PYGB: variants seen among roughly 807,000 people sequenced by gnomAD.
The protein encoded by PYGB is glycogen phosphorylase B.
PYGB carries 82 observed loss-of-function variants against 94.3 expected under a neutral mutation model. The ratio of observed to expected loss-of-function variants is 0.87; its 90% CI spans 0.73 to 1.04. The LOEUF (loss-of-function observed/expected upper bound fraction) is 1.04. Ranked by LOEUF, PYGB falls within the 50% of genes least tolerant of loss-of-function variation. The probability of loss-of-function intolerance (pLI) is 0.00; values close to 1 mark genes in which losing one functional copy is unlikely to be tolerated. For missense variants in PYGB, 1,132 were observed against 1,158.2 expected (o/e 0.98, Z 0.33); for synonymous variants, 488 against 479.1 (o/e 1.02, Z -0.24).
Position 25,278,392 on chromosome 20 carries a change from G to A in PYGB, c.929G>A (p.Arg310His), listed in dbSNP as rs761148570. ...VVAATLQDII[R>H]RFKSSKFGCR... ...GCCGCCACGCTCCAGGACATCATCC[G>A]CCGCTTCAAGTCGTCCAAGTTCGGC... Residue 310 changes from arginine (R) to histidine (H), a missense_variant, in exon 8 of 20, where the codon CGC (arginine) becomes CAC (histidine). Physicochemically the swap from Arg to His is conservative, Grantham distance 29. Transcript: ENST00000216962. The A allele has an allele frequency of 1.2e-5, 20 of 1,614,098 alleles. No homozygotes were observed. The East Asian group carries it at 1.8e-4, about 14-fold the overall frequency.
chr20:25,285,415 T>C (rs1010635797), intron 14 of PYGB: 1 of 151,820 alleles, frequency 6.6e-6, no homozygotes, highest in Non-Finnish European at 1.5e-5. Context: ...CCACAGTCAG[T>C]TGCTGCATCG....
chr20:25,297,151 T>C lies in PYGB; in HGVS notation c.*629T>C, dbSNP rs756100189. On this transcript the variant is annotated 3_prime_UTR_variant, in exon 20 of 20. Transcript: ENST00000216962. ...GGGCTTTCCCTTTGTAGCCATCCAATGGGCATTGTGTGGGTGCTTGGAACC... is the reference window on the plus strand; with the variant it reads ...GGGCTTTCCCTTTGTAGCCATCCAACGGGCATTGTGTGGGTGCTTGGAACC... The C allele has an allele frequency of 2.0e-5, 3 of 152,922 alleles. No individual in the cohort carries two copies. The highest frequency in any genetic ancestry group is 4.4e-5 in the Non-Finnish European group (3 of 68,604). 9.5% of individuals were successfully genotyped at this position (152,922 alleles called of 1,614,324 possible).
At chr20:25,265,249 A>G (rs1229974516) in intron 2 of PYGB, among the ~76,000 whole-genome samples, 1 of 152,130 alleles carries the variant, frequency 6.6e-6, no homozygotes, top group African/African-American at 2.4e-5. Flanking sequence ...ATACCTAGAA[A>G]TGGAATTGCT....
intron 1 of PYGB, among the ~76,000 whole-genome samples, chr20:25,251,905 A>G (rs2092889119): frequency 6.6e-6 from 1 of 151,906 alleles, no homozygotes; most frequent in African/African-American, 2.4e-5. Context: ...AAATACGATT[A>G]ATCTTTTGGT....
chr20:25,280,526 A>G, intron 10 of PYGB, 114 bp downstream of exon 10: 1 of 1,396,116 alleles, frequency 7.2e-7, no homozygotes, highest in South Asian at 1.3e-5. Flanking sequence ...CCCTCTGTTC[A>G]GCAGAGGATG....
intron 18 of PYGB, chr20:25,295,089 T>C: frequency 6.5e-7 from 1 of 1,536,898 alleles, no homozygotes; most frequent in Non-Finnish European, 9.0e-7. Context: ...AGTGTGCTTC[T>C]GACTCGATAG....
chr20:25,278,042 G>C (rs1156598580), intron 7 of PYGB, among the ~76,000 whole-genome samples: 1 of 152,236 alleles, frequency 6.6e-6, no homozygotes, highest in African/African-American at 2.4e-5. Flanking sequence ...CCCAGGTACA[G>C]AATGTTCCAG....
In PYGB at chr20:25,254,886, C is replaced by G. The variant is rs73341143; in HGVS notation, c.244-4351C>G. On this transcript the variant is annotated intron_variant, in intron 1 of 19. Coordinates refer to ENST00000216962, the MANE Select transcript of PYGB (RefSeq NM_002862.4). ...GAGTGTAGAAGGAATTTGTTTACTACAGAACCAAGTGATCTCTTAAGATCC... is the reference window on the plus strand; with the variant it reads ...GAGTGTAGAAGGAATTTGTTTACTAGAGAACCAAGTGATCTCTTAAGATCC... 6.6e-3 allele frequency among the ~76,000 whole-genome samples: 1,009 copies of G among 152,290 alleles called. 14 individuals carry two copies. Among genetic ancestry groups the G allele is most frequent in the African/African-American group, 0.023 (967 of 41,550 alleles).
intron 4 of PYGB, among the ~76,000 whole-genome samples, chr20:25,271,971 G>A (rs2088272092): frequency 1.3e-5 from 2 of 152,214 alleles, no homozygotes; most frequent in South Asian, 2.1e-4. Context: ...GTGTCCTTGG[G>A]GTTAGAGGCT....
At chr20:25,288,523 T>G (rs200194131) in intron 15 of PYGB, 40 bp downstream of exon 15, 59 of 1,602,304 alleles carry the variant, frequency 3.7e-5, no homozygotes, top group Non-Finnish European at 4.5e-5. Flanking sequence ...TGGTGTTTGG[T>G]CTGGGGATAG....
chr20:25,272,782 C>T (rs1256078345), intron 4 of PYGB, among the ~76,000 whole-genome samples: 2 of 152,220 alleles, frequency 1.3e-5, no homozygotes, highest in Non-Finnish European at 2.9e-5. Context: ...CAGTCCAGTC[C>T]ATGCACATGT....
chr20:25,271,480 C>T lies in PYGB; in HGVS notation c.522C>T (p.Gly174=). Residue 174 remains glycine, a synonymous_variant, in exon 4 of 20, where the codon GGC becomes GGT. Transcript: ENST00000216962. ...FGIFNQKIVN[G]WQVEEADDWL... Reference sequence around the variant, plus strand: ...TTTTTAACCAGAAGATTGTCAATGGCTGGCAGGTGGGTGAGATTTCATTTC... The same window carrying T: ...TTTTTAACCAGAAGATTGTCAATGGTTGGCAGGTGGGTGAGATTTCATTTC... The T allele has an allele frequency of 6.2e-7, 1 of 1,612,264 alleles. No individual in the cohort carries two copies. Among genetic ancestry groups the T allele is most frequent in the Non-Finnish European group, 8.5e-7 (1 of 1,178,258 alleles).
Position 25,280,533 on chromosome 20 carries a change from G to A in PYGB, c.1239+121G>A, listed in dbSNP as rs2088356929. The A allele has an allele frequency of 5.2e-6, 7 of 1,357,556 alleles. No homozygotes were observed. In the Admixed American group the frequency reaches 8.2e-5, roughly 16 times the overall value. 84.1% of individuals were successfully genotyped at this position (1,357,556 alleles called of 1,614,324 possible). A position where few individuals can be genotyped will look rare whatever the true frequency, so the allele number is the denominator to read the frequency against. On this transcript the variant is annotated intron_variant, in intron 10 of 19. Coordinates refer to ENST00000216962, the MANE Select transcript of PYGB (RefSeq NM_002862.4). ...ACGAGGCACCCTCTGTTCAGCAGAG[G>A]ATGCTTGGGGCTGGGGGCTGTCCCT...
chr20:25,274,483 C>T, intron 4 of PYGB, 109 bp from the exon 5 acceptor site: 1 of 1,403,626 alleles, frequency 7.1e-7, no homozygotes. Context: ...AGGTAAATTT[C>T]AGTGCCAGGC....
intron 4 of PYGB, among the ~76,000 whole-genome samples, chr20:25,273,669 A>T (rs1414103024): frequency 6.6e-6 from 1 of 152,076 alleles, no homozygotes; most frequent in Non-Finnish European, 1.5e-5. Context: ...GGTTGGTTTC[A>T]TGTAGTTACT....
chr20:25,280,395 A>C lies in PYGB; in HGVS notation c.1222A>C (p.Asn408His), dbSNP rs1227524732. 1 of 1,614,122 alleles carries C rather than the reference A, an allele frequency of 6.2e-7. No individual in the cohort carries two copies. Among genetic ancestry groups the C allele is most frequent in the Admixed American group, 1.7e-5 (1 of 60,026 alleles). Reference protein sequence around the residue: ...PRHLEIIYAINQRHLDHVAAL... With the variant: ...PRHLEIIYAIHQRHLDHVAAL... The stretch of plus-strand genomic sequence containing the variant: ...GCACCTGGAGATAATCTATGCCATC[A>C]ACCAGCGGCACCTGGACGTGAGTGT... Residue 408 changes from asparagine (N) to histidine (H), a missense_variant, in exon 10 of 20, where the codon AAC (asparagine) becomes CAC (histidine). By Grantham distance (68) the Asn-to-His change is moderately conservative. Transcript: ENST00000216962.
intron 12 of PYGB, 82 bp from the exon 13 acceptor site, chr20:25,283,094 C>A: frequency 8.4e-7 from 1 of 1,187,988 alleles, no homozygotes; most frequent in Non-Finnish European, 1.2e-6. Context: ...GCGTGGGCAA[C>A]AATGGGAGGA....
At chr20:25,249,738 G>A (rs973856209) in intron 1 of PYGB, among the ~76,000 whole-genome samples, 2 of 152,296 alleles carry the variant, frequency 1.3e-5, no homozygotes, top group Non-Finnish European at 2.9e-5. Context: ...GCAACGAATG[G>A]CCAAAACAGG....
chr20:25,254,618 C>T (rs1358538569), intron 1 of PYGB, among the ~76,000 whole-genome samples: 5 of 152,154 alleles, frequency 3.3e-5, no homozygotes, highest in Non-Finnish European at 5.9e-5. Context: ...TGGCATTTCT[C>T]GGCCTACAAA....
Sources: gnomAD v4.1 joint callset for allele counts (sites outside exome capture counted in the v4.1 genomes callset) on GRCh38, gnomAD v4.1.1 for gene constraint, MANE v1.5 for transcripts, NCBI Gene and HGNC (gene_info 2026-07-23, HGNC 2026-07-21) for gene names.